NEURL1: variants seen among roughly 807,000 people sequenced by gnomAD.
The protein encoded by NEURL1 is neuralized E3 ubiquitin protein ligase 1, also known as E3 ubiquitin-protein ligase NEURL1.
Under a neutral mutation model 41.2 loss-of-function variants are expected in NEURL1, and 26 were observed. That is an observed-to-expected ratio of 0.63 (90% CI 0.46 to 0.87). The LOEUF is 0.87. NEURL1 is among the 40% of genes least tolerant of loss of function. The pLI, the probability that NEURL1 is intolerant of heterozygous loss-of-function variation, is 0.00. For missense variants in NEURL1, 761 were observed against 871.1 expected (o/e 0.87, Z 1.59); for synonymous variants, 400 against 402.3 (o/e 0.99, Z 0.07).
Position 103,567,138 on chromosome 10 carries a change from C to A in NEURL1, c.86-3734C>A, listed in dbSNP as rs114177522. 8.4e-3 allele frequency among the ~76,000 whole-genome samples: 1,274 copies of A among 151,472 alleles called. 17 individuals are homozygous for A. Among genetic ancestry groups the A allele is most frequent in the African/African-American group, 0.029 (1,194 of 41,254 alleles). On this transcript the variant is annotated intron_variant, in intron 1 of 5. Transcript: ENST00000369780. ...GGCTGGGATTACAGGTATGTGCCAC[C>A]CTGCCCGGGTAATTTTTGTATTTTT... is the stretch of plus-strand genomic sequence containing the variant.
intron 1 of NEURL1, among the ~76,000 whole-genome samples, chr10:103,547,919 ACC>A (rs751944494): frequency 1.3e-5 from 2 of 151,702 alleles, no homozygotes; most frequent in South Asian, 4.2e-4. Context: ...CTCCTGCGAC[ACC>A]CTGGGTCTCC....
chr10:103,578,930 C>T (rs946776270), intron 3 of NEURL1, among the ~76,000 whole-genome samples: 4 of 152,226 alleles, frequency 2.6e-5, no homozygotes, highest in African/African-American at 9.6e-5. Context: ...CAAACAGGGG[C>T]CAGCAGATAC....
rs751012519 is a variant in NEURL1, at chr10:103,571,804, C to A, written c.631C>A (p.Arg211=). ...CCTGGTGGACGTCTACGGCCTCACG[C>A]GGGGCGTCCAGCTGCTTGGTGAGTG... ...WALVDVYGLT[R]GVQLLDSELV... Residue 211 remains arginine (R), a synonymous_variant, in exon 3 of 6, where the codon CGG becomes AGG. Coordinates refer to ENST00000369780, the MANE Select transcript of NEURL1 (RefSeq NM_004210.5). 1 of 1,606,526 alleles carries A rather than the reference C, an allele frequency of 6.2e-7. No individual in the cohort carries two copies. Among genetic ancestry groups the A allele is most frequent in the East Asian group, 2.2e-5 (1 of 44,804 alleles).
Position 103,584,781 on chromosome 10 carries a change from C to T in NEURL1, c.895C>T (p.Leu299=), listed in dbSNP as rs747850632. The T allele has an allele frequency of 3.5e-6, 5 of 1,434,024 alleles. No individual in the cohort carries two copies. Among genetic ancestry groups the T allele is most frequent in the African/African-American group, 3.0e-5 (2 of 66,566 alleles). 88.8% of individuals were successfully genotyped at this position (1,434,024 alleles called of 1,614,324 possible). Residue 299 remains leucine (L), a synonymous_variant, in exon 4 of 6, where the codon CTG becomes TTG. Transcript: ENST00000369780. ...CGACGGCGACCTGCGTTTCCACGCCCTGCGCGCCGGCGCGCACGTCCGCAT... is the reference window on the plus strand; with the variant it reads ...CGACGGCGACCTGCGTTTCCACGCCTTGCGCGCCGGCGCGCACGTCCGCAT... The part of the protein sequence containing the change: ...QLDGDLRFHA[L]RAGAHVRILD...
At chr10:103,565,029 T>G (rs1033819637) in intron 1 of NEURL1, among the ~76,000 whole-genome samples, 1 of 152,060 alleles carries the variant, frequency 6.6e-6, no homozygotes, top group South Asian at 2.1e-4. Flanking sequence ...GCCCCAGCCC[T>G]GGTTTAGAAG....
intron 1 of NEURL1, among the ~76,000 whole-genome samples, chr10:103,529,314 G>A (rs143299371): frequency 8.5e-5 from 13 of 152,284 alleles, no homozygotes; most frequent in South Asian, 2.1e-4. Flanking sequence ...GCCTTGAGCC[G>A]AGCCATGGGT....
chr10:103,502,619 A>G (rs1447145190), intron 1 of NEURL1, among the ~76,000 whole-genome samples: 2 of 152,198 alleles, frequency 1.3e-5, no homozygotes, highest in African/African-American at 2.4e-5. Flanking sequence ...CAATATATGA[A>G]TATTGAGGGG....
chr10:103,525,846 A>C (rs2034448803), intron 1 of NEURL1, among the ~76,000 whole-genome samples: 1 of 152,168 alleles, frequency 6.6e-6, no homozygotes. Flanking sequence ...AAAAGCTTTC[A>C]ACTTATCCCC....
chr10:103,557,104 A>G (rs1215820540), intron 1 of NEURL1, among the ~76,000 whole-genome samples: 3 of 152,108 alleles, frequency 2.0e-5, no homozygotes, highest in Non-Finnish European at 4.4e-5. Flanking sequence ...TCACCTGTCA[A>G]TGAGGCTAGT....
At chr10:103,555,455 C>T (rs772967239) in intron 1 of NEURL1, 5 of 1,337,250 alleles carry the variant, frequency 3.7e-6, no homozygotes, top group Non-Finnish European at 4.0e-6. Context: ...CACCCCAGCC[C>T]GAGACCGCCT....
At position 103,525,917 on chromosome 10, in the gene NEURL1, T is replaced by A. The variant is rs12220427; in HGVS notation, c.85+31445T>A. Among the ~76,000 whole-genome samples, 604 of 152,340 alleles carry A rather than the reference T, an allele frequency of 4.0e-3. 18 individuals are homozygous for A. In the East Asian group the frequency reaches 0.081, roughly 21 times the overall value. ...TGGCCTTTACTGTGTTGAGATATAC[T>A]CCTTCTATACCTAACTTGTTGAGAG... On this transcript the variant is annotated intron_variant, in intron 1 of 5. Coordinates refer to ENST00000369780, the MANE Select transcript of NEURL1 (RefSeq NM_004210.5).
In NEURL1 at chr10:103,584,583, GCCCTGCGGCGGCCGT is replaced by G; in HGVS notation, c.699_713del (p.Pro237_Arg241del). 7.1e-7 allele frequency: 1 copy of G among 1,415,752 alleles called. No individual in the cohort carries two copies. Among genetic ancestry groups the G allele is most frequent in the South Asian group, 1.5e-5 (1 of 67,392 alleles). 87.7% of individuals were successfully genotyped at this position (1,415,752 alleles called of 1,614,324 possible). A position where few individuals can be genotyped will look rare whatever the true frequency, so the allele number is the denominator to read the frequency against. ...CTGTCTGCGGCCGCGCTCCTTCACCGCCCTGCGGCGGCCGTCGCTGCGGCGCGAGGCGGACGACGC... is the reference window on the plus strand; with the variant it reads ...CTGTCTGCGGCCGCGCTCCTTCACCGCGCTGCGGCGCGAGGCGGACGACGC... On this transcript the variant is annotated inframe_deletion, in exon 4 of 6. Coordinates refer to ENST00000369780, the MANE Select transcript of NEURL1 (RefSeq NM_004210.5).
intron 1 of NEURL1, among the ~76,000 whole-genome samples, chr10:103,521,518 C>A (rs2034348043): frequency 2.6e-5 from 4 of 152,124 alleles, no homozygotes; most frequent in African/African-American, 9.7e-5. Context: ...AGCAGAACAG[C>A]AGATGGAACA....
chr10:103,582,297 C>G (rs921750586), intron 3 of NEURL1, among the ~76,000 whole-genome samples: 4 of 152,224 alleles, frequency 2.6e-5, no homozygotes, highest in African/African-American at 9.6e-5. Context: ...GGTCAGCCCA[C>G]TGGCTTTCCC....
chr10:103,502,108 G>C lies in NEURL1; in HGVS notation c.85+7636G>C, dbSNP rs184385002. 2.4e-4 allele frequency among the ~76,000 whole-genome samples: 36 copies of C among 152,290 alleles called. No individual in the cohort carries two copies. In the East Asian group the frequency reaches 6.2e-3, roughly 26 times the overall value. The stretch of plus-strand genomic sequence containing the variant: ...TATACACGAGACAGCTGAGATTAAT[G>C]GATGTGAAGAGTGCTGCCCAGAAAC... On this transcript the variant is annotated intron_variant, in intron 1 of 5. Transcript: ENST00000369780.
chr10:103,570,222 T>C (rs1319851419), intron 1 of NEURL1, among the ~76,000 whole-genome samples: 2 of 152,156 alleles, frequency 1.3e-5, no homozygotes, highest in Admixed American at 1.3e-4. Context: ...TGGGCATGGA[T>C]CTTGGGGGCC....
chr10:103,546,918 C>T (rs1476431270), intron 1 of NEURL1, among the ~76,000 whole-genome samples: 1 of 152,172 alleles, frequency 6.6e-6, no homozygotes, highest in Non-Finnish European at 1.5e-5. Flanking sequence ...AGATCAAATC[C>T]CGACTCTGCC....
intron 1 of NEURL1, among the ~76,000 whole-genome samples, chr10:103,515,010 C>G (rs1217481320): frequency 1.3e-5 from 2 of 152,060 alleles, no homozygotes; most frequent in African/African-American, 4.8e-5. Context: ...GGTGGATCAC[C>G]TGAGGTCAGG....
intron 1 of NEURL1, among the ~76,000 whole-genome samples, chr10:103,500,756 C>T (rs2033804454): frequency 6.6e-6 from 1 of 152,196 alleles, no homozygotes; most frequent in Admixed American, 6.5e-5. Context: ...TTTTCTACTG[C>T]CTGCATCAGC....
Sources: gnomAD v4.1 joint callset for allele counts (sites outside exome capture counted in the v4.1 genomes callset) on GRCh38, gnomAD v4.1.1 for gene constraint, MANE v1.5 for transcripts, NCBI Gene and HGNC (gene_info 2026-07-23, HGNC 2026-07-21) for gene names.